Variants in NRG2 observed in about 807,000 individuals in gnomAD.
NRG2 encodes the protein pro-neuregulin-2, membrane-bound isoform.
Under a neutral mutation model 73.9 loss-of-function variants are expected in NRG2, and 27 were observed. The observed-to-expected ratio is 0.37, with a 90% confidence interval of 0.27 to 0.50. The LOEUF (loss-of-function observed/expected upper bound fraction) is 0.50. Among genes scored for constraint, NRG2 ranks in the 20% least tolerant of loss-of-function variants. NRG2 has a pLI of 0.96. For missense variants in NRG2, 1,126 were observed against 1,210.1 expected, an observed-to-expected ratio of 0.93 and a Z score of 1.03; for synonymous variants, 532 against 541.0, an observed-to-expected ratio of 0.98 and a Z score of 0.23.
chr5:139,968,285 G>A (rs1005386594), intron 1 of NRG2, among the ~76,000 whole-genome samples: 1 of 152,210 alleles, frequency 6.6e-6, no homozygotes, highest in Non-Finnish European at 1.5e-5. Flanking sequence ...TGATGAGGCC[G>A]ACCACAGAAA....
chr5:139,958,619 A>G (rs1255710926), intron 1 of NRG2, among the ~76,000 whole-genome samples: 2 of 152,232 alleles, frequency 1.3e-5, no homozygotes, highest in Non-Finnish European at 2.9e-5. Flanking sequence ...GCTCTAGGCC[A>G]TGACCAAATA....
At chr5:139,916,492 G>C (rs1266144494) in intron 1 of NRG2, among the ~76,000 whole-genome samples, 1 of 152,152 alleles carries the variant, frequency 6.6e-6, no homozygotes, top group Non-Finnish European at 1.5e-5. Flanking sequence ...ACTGCAATAA[G>C]TTTTGGAACA....
At position 139,870,475 on chromosome 5, in the gene NRG2, AT is replaced by A. The variant is rs1271298022; in HGVS notation, c.1112+1245del. On this transcript the variant is annotated intron_variant, in intron 4 of 9. Transcript: ENST00000361474. This position sits in a 1 kb window ranked among gnomAD's most constrained non-coding sequence, Gnocchi z 4.4. ...CCTGGCCTTCTCAGACCAGGCTCAC[AT>A]TCCCGGGCAAGGGTGTGCCCAGGAA... 6.6e-6 allele frequency among the ~76,000 whole-genome samples: 1 copy of A among 152,152 alleles called. No individual in the cohort carries two copies. Among genetic ancestry groups the A allele is most frequent in the Non-Finnish European group, 1.5e-5 (1 of 68,014 alleles).
At position 140,042,650 on chromosome 5, in the gene NRG2, T is replaced by A; in HGVS notation, c.420A>T (p.Pro140=). 1 of 1,598,672 alleles carries A rather than the reference T, an allele frequency of 6.3e-7. No individual in the cohort carries two copies. The highest frequency in any genetic ancestry group is 8.5e-7 in the Non-Finnish European group (1 of 1,173,752). ...TGCTGTTGGAGCTGGAGCCGCCGGC[T>A]GGGACCAGCCCCTGTACCTTGCCCT... The part of the protein sequence containing the change: ...VVEGKVQGLV[P]AGGSSSNSTR... The change falls in exon 1 of 10, where the codon CCA becomes CCT. Residue 140 remains proline (P), a synonymous_variant. Coordinates refer to ENST00000361474, the MANE Select transcript of NRG2 (RefSeq NM_004883.3).
intron 1 of NRG2, among the ~76,000 whole-genome samples, chr5:139,934,605 G>A (rs1752711092): frequency 6.6e-6 from 1 of 152,194 alleles, no homozygotes; most frequent in South Asian, 2.1e-4. Context: ...TCAAATGGTA[G>A]ATTGAAGCCC....
intron 1 of NRG2, among the ~76,000 whole-genome samples, chr5:140,033,273 G>T (rs1761280905): frequency 6.6e-6 from 1 of 152,154 alleles, no homozygotes; most frequent in Non-Finnish European, 1.5e-5. Context: ...GAAGCTTTCA[G>T]CCATTTTCCA....
chr5:139,975,329 G>A (rs1355178477), intron 1 of NRG2, among the ~76,000 whole-genome samples: 2 of 152,182 alleles, frequency 1.3e-5, no homozygotes, highest in African/African-American at 2.4e-5. Flanking sequence ...CATGCCCCAG[G>A]GCCTCCGAGG....
At chr5:139,949,511 A>AGAACACCCACTACCT (rs1308429536) in intron 1 of NRG2, among the ~76,000 whole-genome samples, 1 of 152,238 alleles carries the variant, frequency 6.6e-6, no homozygotes, top group Non-Finnish European at 1.5e-5. Flanking sequence ...AAAAGTCACT[A>AGAACACCCACTACCT]GAACACCCAC....
rs1005568290 is a variant in NRG2 at position 139,848,579 on chromosome 5, G to T, written c.1891C>A (p.Leu631Met). The T allele has an allele frequency of 3.2e-6, 5 of 1,557,962 alleles. No individual in the cohort carries two copies. In the African/African-American group the frequency reaches 5.6e-5, roughly 18 times the overall value. The change falls in exon 10 of 10, where the codon CTG becomes ATG. Residue 631 changes from leucine (L) to methionine (M), a missense_variant. Leu to Met is a conservative substitution (Grantham distance 15, BLOSUM62 2). Transcript: ENST00000361474. ...TSPNSAHAVS[L>M]PPAAPISYRL... Reference sequence around the variant, plus strand: ...TAACTGATGGGCGCCGCCGGCGGCAGCGACACGGCGTGCGCCGAGTTGGGG... The same window carrying T: ...TAACTGATGGGCGCCGCCGGCGGCATCGACACGGCGTGCGCCGAGTTGGGG...
At chr5:140,007,755 G>A (rs189969177) in intron 1 of NRG2, among the ~76,000 whole-genome samples, 1 of 152,326 alleles carries the variant, frequency 6.6e-6, no homozygotes, top group African/African-American at 2.4e-5. Context: ...GACTTATCCA[G>A]GGGTTTCAAG....
rs941112132 is a variant in NRG2 at position 139,915,167 on chromosome 5, C to A, written c.701-27656G>T. On this transcript the variant is annotated intron_variant, in intron 1 of 9. Coordinates refer to ENST00000361474, the MANE Select transcript of NRG2 (RefSeq NM_004883.3). The surrounding 1 kb of genome is among the most constrained non-coding windows in gnomAD (Gnocchi z 4.0). ...CAGACAAACCGGCTTAATGTAATTA[C>A]GGAAATGGTTGCAAGGGGGCTCTTG... is the stretch of plus-strand genomic sequence containing the variant. 6.6e-6 allele frequency among the ~76,000 whole-genome samples: 1 copy of A among 152,190 alleles called. No individual in the cohort carries two copies. The highest frequency in any genetic ancestry group is 1.5e-5 in the Non-Finnish European group (1 of 68,034).
chr5:140,030,582 G>A (rs1259244254), intron 1 of NRG2, among the ~76,000 whole-genome samples: 1 of 152,234 alleles, frequency 6.6e-6, no homozygotes, highest in East Asian at 1.9e-4. Context: ...AGTTGACTGA[G>A]TGTAAACCAT....
At chr5:139,885,595 G>T (rs1763808555) in intron 2 of NRG2, among the ~76,000 whole-genome samples, 2 of 152,182 alleles carry the variant, frequency 1.3e-5, no homozygotes, top group Admixed American at 6.5e-5. Context: ...GGGAGCAGCA[G>T]CGTGGAGGGA....
intron 1 of NRG2, among the ~76,000 whole-genome samples, chr5:139,952,454 C>T (rs1369525165): frequency 1.3e-5 from 2 of 152,166 alleles, no homozygotes; most frequent in Non-Finnish European, 2.9e-5. Context: ...GCTTCCGTGG[C>T]TTAGACCCCC....
chr5:139,851,922 C>T lies in NRG2; in HGVS notation c.1545-91G>A. Reference sequence around the variant, plus strand: ...CCCATGGACCTCCCTGGCTCTTCTTCCACCTCGAGCTCCCTTAGCTCAATG... The same window carrying T: ...CCCATGGACCTCCCTGGCTCTTCTTTCACCTCGAGCTCCCTTAGCTCAATG... On this transcript the variant is annotated intron_variant, in intron 8 of 9. Transcript: ENST00000361474. The surrounding 1 kb of genome is among the most constrained non-coding windows in gnomAD (Gnocchi z 4.2). 8.4e-6 allele frequency: 9 copies of T among 1,073,758 alleles called. No individual in the cohort carries two copies. The highest frequency in any genetic ancestry group is 1.2e-5 in the Non-Finnish European group (9 of 724,932). The allele number at this position is 1,073,758 out of a possible 1,614,324, so 66.5% of individuals were successfully genotyped here.
At chr5:140,036,155 T>C (rs921945204) in intron 1 of NRG2, among the ~76,000 whole-genome samples, 1 of 152,198 alleles carries the variant, frequency 6.6e-6, no homozygotes, top group African/African-American at 2.4e-5. Context: ...TTCCTGCATA[T>C]ACAAAGTGGG....
chr5:139,870,430 G>A lies in NRG2; in HGVS notation c.1112+1291C>T, dbSNP rs981114700. 6.6e-6 allele frequency among the ~76,000 whole-genome samples: 1 copy of A among 152,186 alleles called. No homozygotes were observed. Among genetic ancestry groups the A allele is most frequent in the Admixed American group, 6.5e-5 (1 of 15,280 alleles). On this transcript the variant is annotated intron_variant, in intron 4 of 9. Transcript: ENST00000361474. The surrounding 1 kb of genome is among the most constrained non-coding windows in gnomAD (Gnocchi z 4.4). ...GAGCCCCTCGTTACCATGTTGTTAG[G>A]TGGAGGGGTCTTGAAAAGTCCTGGC...
chr5:139,895,815 T>C (rs1005902153), intron 1 of NRG2, among the ~76,000 whole-genome samples: 2 of 152,218 alleles, frequency 1.3e-5, no homozygotes, highest in African/African-American at 4.8e-5. Context: ...GGAAAACTGT[T>C]ACCATTTACC....
chr5:139,938,896 GAA>G (rs1449054380), intron 1 of NRG2, among the ~76,000 whole-genome samples: 1 of 70,186 alleles, frequency 1.4e-5, no homozygotes, highest in Non-Finnish European at 2.7e-5. Flanking sequence ...AAGAAAGAAA[GAA>G]AGAAAGAAAA....
Sources: gnomAD v4.1 joint callset for allele counts (sites outside exome capture counted in the v4.1 genomes callset) on GRCh38, gnomAD v4.1.1 for gene constraint, Gnocchi (gnomAD v3.1) non-coding constraint, MANE v1.5 for transcripts, NCBI Gene and HGNC (gene_info 2026-07-23, HGNC 2026-07-21) for gene names.